MYB: variants seen among roughly 807,000 people sequenced by gnomAD.
MYB encodes transcriptional activator Myb.
MYB carries 28 observed loss-of-function variants against 92.9 expected under a neutral mutation model. That is an observed-to-expected ratio of 0.30 (90% CI 0.22 to 0.41). The LOEUF (loss-of-function observed/expected upper bound fraction) is 0.41, where lower values mean the gene tolerates loss of function less well. Among genes scored for constraint, MYB ranks in the 10% least tolerant of loss-of-function variants. MYB has a pLI of 1.00. For synonymous variants in MYB, 295 were observed against 329.1 expected (o/e 0.90, Z 1.12); for missense variants, 679 against 929.3 (o/e 0.73, Z 3.50).
At chr6:135,187,928 T>C (rs1309455038) in intron 3 of MYB, 23 bp downstream of exon 3, 10 of 1,541,172 alleles carry the variant, frequency 6.5e-6, no homozygotes, top group Admixed American at 3.4e-5. Context: ...GTTTTTCTTA[T>C]AACGAAAGGA....
At chr6:135,206,314 C>G (rs1246995819) in intron 15 of MYB, among the ~76,000 whole-genome samples, 1 of 151,396 alleles carries the variant, frequency 6.6e-6, no homozygotes, top group Non-Finnish European at 1.5e-5. Context: ...AGGAGGATCC[C>G]TTAAGCCCAG....
intron 15 of MYB, chr6:135,203,650 A>T: frequency 8.0e-7 from 1 of 1,242,634 alleles, no homozygotes; most frequent in South Asian, 1.4e-5. Context: ...CAAATGTTTT[A>T]TAAAAATATA....
chr6:135,201,832 G>T, intron 14 of MYB, 83 bp downstream of exon 14: 1 of 667,040 alleles, frequency 1.5e-6, no homozygotes, highest in East Asian at 3.2e-5. Context: ...GGGCTGCTGC[G>T]GTTTCAGCAC....
chr6:135,197,951 A>G (rs1777557990), intron 10 of MYB, among the ~76,000 whole-genome samples: 1 of 152,238 alleles, frequency 6.6e-6, no homozygotes, highest in African/African-American at 2.4e-5. Flanking sequence ...TTTATTTCAT[A>G]CAGCTTTTTT....
chr6:135,200,892 C>T (rs1007848895), intron 13 of MYB, among the ~76,000 whole-genome samples: 4 of 152,084 alleles, frequency 2.6e-5, no homozygotes, highest in African/African-American at 9.7e-5. Flanking sequence ...TCCTGGCTAA[C>T]ATGGTGAAAC....
Position 135,192,374 on chromosome 6 carries a change from T to C in MYB, c.578T>C (p.Val193Ala). The C allele has an allele frequency of 6.2e-7, 1 of 1,614,198 alleles. No individual in the cohort carries two copies. Among genetic ancestry groups the C allele is most frequent in the Non-Finnish European group, 8.5e-7 (1 of 1,180,024 alleles). Residue 193 changes from valine to alanine, a missense_variant, in exon 6 of 16, where the codon GTC (valine) becomes GCC (alanine). Around this residue, in one of 8 missense-constraint regions of MYB, gnomAD observed 37 missense variants for 98.0 expected, o/e 0.38. Coordinates refer to ENST00000341911, the MANE Select transcript of MYB (RefSeq NM_001130173.2). ...NHWNSTMRRK[V>A]EQEGYLQESS... ...TGGAATTCTACAATGCGTCGGAAGG[T>C]CGAACAGGAAGGTTATCTGCAGGAG...
At position 135,185,990 on chromosome 6, in the gene MYB, C is replaced by G. The variant is rs1775852301; in HGVS notation, c.111C>G (p.His37Gln). The G allele has an allele frequency of 6.2e-7, 1 of 1,614,074 alleles. No homozygotes were observed. Among genetic ancestry groups the G allele is most frequent in the Non-Finnish European group, 8.5e-7 (1 of 1,179,990 alleles). The change falls in exon 2 of 16, where the codon CAC (histidine) becomes CAG (glutamine). Residue 37 changes from histidine to glutamine, a missense_variant. His to Gln is a conservative substitution (Grantham distance 24). This residue lies in a region of MYB where 88 missense variants were observed against 145.6 expected (regional missense o/e 0.60). Coordinates refer to ENST00000341911, the MANE Select transcript of MYB (RefSeq NM_001130173.2). ...TGCTTCCCAAGTCTGGAAAGCGTCA[C>G]TTGGGGAAAACAAGGTGGACCCGGG... Reference protein sequence around the residue: ...DGLLPKSGKRHLGKTRWTREE... With the variant: ...DGLLPKSGKRQLGKTRWTREE...
chr6:135,211,930 T>G (rs1779759227), intron 15 of MYB, among the ~76,000 whole-genome samples: 1 of 152,230 alleles, frequency 6.6e-6, no homozygotes. Context: ...TGGTAACCAT[T>G]AATCTTACCT....
At chr6:135,205,316 T>C (rs1486779224) in intron 15 of MYB, among the ~76,000 whole-genome samples, 1 of 152,128 alleles carries the variant, frequency 6.6e-6, no homozygotes, top group Non-Finnish European at 1.5e-5. Flanking sequence ...TATTCGTGTT[T>C]TAATTAAGTT....
intron 6 of MYB, among the ~76,000 whole-genome samples, chr6:135,193,335 CATAA>C (rs1327437886): frequency 6.6e-6 from 1 of 152,136 alleles, no homozygotes; most frequent in East Asian, 1.9e-4. Context: ...AAAACATGTT[CATAA>C]ATAGTTTTTA....
At chr6:135,216,420 C>T (rs1583450103) in intron 15 of MYB, among the ~76,000 whole-genome samples, 1 of 151,972 alleles carries the variant, frequency 6.6e-6, no homozygotes, top group Non-Finnish European at 1.5e-5. Flanking sequence ...GTGTATTTAT[C>T]GTTGGAATAA....
intron 8 of MYB, chr6:135,195,478 A>G (rs1777174644): frequency 2.2e-6 from 1 of 453,470 alleles, no homozygotes; most frequent in Middle Eastern, 5.7e-4. Context: ...TGATAATTAT[A>G]CTTCGAAATA....
chr6:135,204,489 G>C (rs891868196), intron 15 of MYB, among the ~76,000 whole-genome samples: 1 of 151,932 alleles, frequency 6.6e-6, no homozygotes, highest in African/African-American at 2.4e-5. Context: ...TTTGGATAGA[G>C]ACAAGGTTTT....
chr6:135,211,536 T>C (rs1779698102), intron 15 of MYB, among the ~76,000 whole-genome samples: 1 of 152,126 alleles, frequency 6.6e-6, no homozygotes, highest in South Asian at 2.1e-4. Context: ...AAAGATAGAA[T>C]TGCTTTAGAG....
rs149280002 is a variant in MYB at position 135,187,849 on chromosome 6, A to C, written c.157A>C (p.Lys53Gln). The change falls in exon 3 of 16, where the codon AAG (lysine) becomes CAG (glutamine). Residue 53 changes from lysine to glutamine, a missense_variant. Lys to Gln is a moderately conservative substitution (Grantham distance 53, BLOSUM62 1). This residue lies in a region of MYB where 88 missense variants were observed against 145.6 expected (regional missense o/e 0.60). Transcript: ENST00000341911. ...AATGTCTTAGGATGAAAAACTGAAG[A>C]AGCTGGTGGAACAGAATGGAACAGA... ...WTREEDEKLK[K>Q]LVEQNGTDDW... 5.6e-6 allele frequency: 9 copies of C among 1,609,070 alleles called. No individual in the cohort carries two copies. In the African/African-American group the frequency reaches 1.2e-4, roughly 21 times the overall value.
At chr6:135,200,781 G>A (rs867473961) in intron 13 of MYB, 16 of 278,866 alleles carry the variant, frequency 5.7e-5, no homozygotes, top group Non-Finnish European at 9.1e-5. Flanking sequence ...TTAATTAATT[G>A]TATTAAAAAA....
intron 9 of MYB, among the ~76,000 whole-genome samples, chr6:135,196,477 A>G (rs540485885): frequency 5.7e-4 from 87 of 152,294 alleles, no homozygotes; most frequent in Non-Finnish European, 1.1e-3. Context: ...ATTTGAAGTA[A>G]TAATCAGCTC....
At chr6:135,199,158 G>T in intron 11 of MYB, 108 bp downstream of exon 11, 1 of 900,792 alleles carries the variant, frequency 1.1e-6, no homozygotes, top group Non-Finnish European at 1.6e-6. Context: ...TAATTTTACT[G>T]ACCATTTATA....
In MYB at chr6:135,187,905, G is replaced by A; in HGVS notation, c.213G>A (p.Pro71=). The change falls in exon 3 of 16, where the codon CCG becomes CCA. Residue 71 remains proline (P), a splice_region_variant and synonymous_variant. Transcript: ENST00000341911. The part of the protein sequence containing the change: ...DDWKVIANYL[P]NRTDVQCQHR... ...GGAAAGTTATTGCCAATTATCTCCCGGTAAGTTAGTAAGTTTTTCTTATAA... is the reference window on the plus strand; with the variant it reads ...GGAAAGTTATTGCCAATTATCTCCCAGTAAGTTAGTAAGTTTTTCTTATAA... The A allele has an allele frequency of 6.2e-7, 1 of 1,604,280 alleles. No individual in the cohort carries two copies. Among genetic ancestry groups the A allele is most frequent in the South Asian group, 1.1e-5 (1 of 89,918 alleles).
Sources: allele counts gnomAD v4.1 joint callset (sites outside exome capture counted in the v4.1 genomes callset), GRCh38; gene constraint gnomAD v4.1.1; regional missense constraint gnomAD v4.1.1; transcripts MANE v1.5; gene names NCBI Gene and HGNC (gene_info 2026-07-23, HGNC 2026-07-21).